Variants in GNA11 observed in about 807,000 individuals in gnomAD.
The protein encoded by GNA11 is G protein subunit alpha 11, also known as guanine nucleotide-binding protein subunit alpha-11.
A neutral mutation model predicts 38.2 loss-of-function variants in GNA11; 8 were observed. The observed-to-expected ratio is 0.21, with a 90% CI of 0.12 to 0.38. GNA11 has a LOEUF of 0.38. Ranked by LOEUF, GNA11 falls within the 10% of genes least tolerant of loss-of-function variation. The pLI is 1.00. For missense variants in GNA11, 268 were observed against 516.3 expected (o/e 0.52, Z 4.66); for synonymous variants, 211 against 221.4 (o/e 0.95, Z 0.42).
intron 1 of GNA11, among the ~76,000 whole-genome samples, chr19:3,107,661 C>G (rs1913671449): frequency 6.6e-6 from 1 of 152,144 alleles, no homozygotes; most frequent in Non-Finnish European, 1.5e-5. Flanking sequence ...TGGGGGCAGT[C>G]TTGACCCATG....
chr19:3,097,894 C>T (rs529209747), intron 1 of GNA11, among the ~76,000 whole-genome samples: 2 of 152,350 alleles, frequency 1.3e-5, no homozygotes. Context: ...CCACTCCATG[C>T]CAGGAGCTCC....
intron 4 of GNA11, chr19:3,118,185 GC>G (rs769042377): frequency 6.6e-6 from 1 of 152,228 alleles, no homozygotes; most frequent in Non-Finnish European, 1.5e-5. Context: ...TGGGGCCAGG[GC>G]CTGAGGGGCA....
intron 3 of GNA11, among the ~76,000 whole-genome samples, chr19:3,114,003 G>A (rs909529608): frequency 9.2e-5 from 14 of 152,148 alleles, no homozygotes; most frequent in Admixed American, 3.9e-4. Flanking sequence ...GGCCATGGCC[G>A]CAGGTGGAGG....
chr19:3,115,119 AT>A, intron 4 of GNA11, 47 bp downstream of exon 4: 2 of 1,592,246 alleles, frequency 1.3e-6, no homozygotes, highest in Non-Finnish European at 1.7e-6. Flanking sequence ...TGAGAGGCTC[AT>A]TTGCCCGGTG....
At position 3,110,878 on chromosome 19, in the gene GNA11, A is replaced by G. The variant is rs1913759637; in HGVS notation, c.321+545A>G. The stretch of plus-strand genomic sequence containing the variant: ...CAGTGGAATGGTCAAGGCTCATCAC[A>G]GCCTGGACCTTCTGGGCTCAGGTGA... On this transcript the variant is annotated intron_variant, in intron 2 of 6. Transcript: ENST00000078429. The surrounding 1 kb of genome is among the most constrained non-coding windows in gnomAD (Gnocchi z 5.4). 6.6e-6 allele frequency among the ~76,000 whole-genome samples: 1 copy of G among 152,142 alleles called. No homozygotes were observed.
In GNA11 at chr19:3,120,839, C is replaced by G; in HGVS notation, c.890-150C>G. 1.7e-6 allele frequency: 1 copy of G among 600,838 alleles called. No homozygotes were observed. Among genetic ancestry groups the G allele is most frequent in the South Asian group, 2.0e-5 (1 of 50,438 alleles). 37.2% of individuals were successfully genotyped at this position (600,838 alleles called of 1,614,324 possible). Reference sequence around the variant, plus strand: ...CAGCTCACCTGGGGAGGGAGGGGAGCTGCGGCCCGTCAGGCATGCAGTGGG... The same window carrying G: ...CAGCTCACCTGGGGAGGGAGGGGAGGTGCGGCCCGTCAGGCATGCAGTGGG... On this transcript the variant is annotated intron_variant, in intron 6 of 6. Coordinates refer to ENST00000078429, the MANE Select transcript of GNA11 (RefSeq NM_002067.5). The surrounding 1 kb of genome is among the most constrained non-coding windows in gnomAD (Gnocchi z 5.9).
chr19:3,108,296 T>C lies in GNA11; in HGVS notation c.137-1853T>C, dbSNP rs1327301481. Among the ~76,000 whole-genome samples the C allele has an allele frequency of 2.0e-5, 3 of 152,100 alleles. No individual in the cohort carries two copies. Among genetic ancestry groups the C allele is most frequent in the African/African-American group, 7.2e-5 (3 of 41,412 alleles). Reference sequence around the variant, plus strand: ...GGCACCTGTGCAAAGATATCTACCATGGGCAGCAAGGAAGGTTCCAGAAAG... The same window carrying C: ...GGCACCTGTGCAAAGATATCTACCACGGGCAGCAAGGAAGGTTCCAGAAAG... On this transcript the variant is annotated intron_variant, in intron 1 of 6. Coordinates refer to ENST00000078429, the MANE Select transcript of GNA11 (RefSeq NM_002067.5). This position sits in a 1 kb window ranked among gnomAD's most constrained non-coding sequence, Gnocchi z 4.5.
rs1301540859 is a variant in GNA11 at position 3,119,253 on chromosome 19, C to T, written c.783C>T (p.Tyr261=). Residue 261 remains tyrosine, a synonymous_variant, in exon 6 of 7, where the codon TAC becomes TAT. Transcript: ENST00000078429. This position sits in a 1 kb window ranked among gnomAD's most constrained non-coding sequence, Gnocchi z 4.6. ...CCCTGTTCCGGACCATCATCACCTA[C>T]CCCTGGTTCCAGAACTCCTCCGTCA... The part of the protein sequence containing the change: ...SKALFRTIIT[Y]PWFQNSSVIL... 1 of 1,613,770 alleles carries T rather than the reference C, an allele frequency of 6.2e-7. No individual in the cohort carries two copies. The highest frequency in any genetic ancestry group is 1.6e-4 in the Middle Eastern group (1 of 6,062).
Position 3,119,177 on chromosome 19 carries a change from C to CT in GNA11, c.736-28dup. On this transcript the variant is annotated intron_variant, in intron 5 of 6. Coordinates refer to ENST00000078429, the MANE Select transcript of GNA11 (RefSeq NM_002067.5). This position sits in a 1 kb window ranked among gnomAD's most constrained non-coding sequence, Gnocchi z 4.6. ...GCTGTGTGCAGTGGGGAGGGCCCCT[C>CT]TGATTCCCTCTGCCTTCGCTCCCGC... The CT allele has an allele frequency of 1.2e-6, 2 of 1,611,142 alleles. No homozygotes were observed. Among genetic ancestry groups the CT allele is most frequent in the South Asian group, 2.2e-5 (2 of 90,682 alleles).
At chr19:3,106,669 T>C (rs1207933955) in intron 1 of GNA11, among the ~76,000 whole-genome samples, 1 of 152,226 alleles carries the variant, frequency 6.6e-6, no homozygotes, top group Non-Finnish European at 1.5e-5. Context: ...CACCCAGCTG[T>C]GTACGGGCTG....
rs115640077 is a variant in GNA11 at position 3,114,703 on chromosome 19, C to T, written c.477-241C>T. On this transcript the variant is annotated intron_variant, in intron 3 of 6. Coordinates refer to ENST00000078429, the MANE Select transcript of GNA11 (RefSeq NM_002067.5). Reference sequence around the variant, plus strand: ...CCTCGTCCTGGGACTTTCTCTTGTGCTGGGTCATTTCTGTCCCCTGAGACC... The same window carrying T: ...CCTCGTCCTGGGACTTTCTCTTGTGTTGGGTCATTTCTGTCCCCTGAGACC... Among the ~76,000 whole-genome samples, 5,742 of 152,272 alleles carry T rather than the reference C, an allele frequency of 0.038. 352 individuals are homozygous for T. Among genetic ancestry groups the T allele is most frequent in the African/African-American group, 0.13 (5,432 of 41,534 alleles).
chr19:3,103,519 C>CTTATTTTTTTTT (rs1913556209), intron 1 of GNA11, among the ~76,000 whole-genome samples: 1 of 45,800 alleles, frequency 2.2e-5, no homozygotes, highest in Non-Finnish European at 4.0e-5. Context: ...GGCCTTGAAT[C>CTTATTTTTTTTT]TTTTTTTTTT....
In GNA11 at chr19:3,119,045, G is replaced by C. The variant is rs1295243293; in HGVS notation, c.727G>C (p.Asp243His). The stretch of plus-strand genomic sequence containing the variant: ...ATACGACCAAGTCCTGGTGGAGTCG[G>C]ACAACGAGGTGGGCCCTGCCCTGAG... ...SEYDQVLVES[D>H]NENRMEESKA... The change falls in exon 5 of 7, where the codon GAC becomes CAC. Residue 243 changes from aspartate (D) to histidine (H), a missense_variant. Physicochemically the swap from Asp to His is moderately conservative, Grantham distance 81. Coordinates refer to ENST00000078429, the MANE Select transcript of GNA11 (RefSeq NM_002067.5). This position sits in a 1 kb window ranked among gnomAD's most constrained non-coding sequence, Gnocchi z 4.6. 1 of 1,613,682 alleles carries C rather than the reference G, an allele frequency of 6.2e-7. No individual in the cohort carries two copies. The highest frequency in any genetic ancestry group is 8.5e-7 in the Non-Finnish European group (1 of 1,179,954).
At position 3,096,026 on chromosome 19, in the gene GNA11, G is replaced by A. The variant is rs1599294040; in HGVS notation, c.136+1239G>A. The stretch of plus-strand genomic sequence containing the variant: ...TCCTAGGTTAGCTCCTGGGCCGGGG[G>A]CGGGGCGGTGGGGAAGGTCGGAAAT... On this transcript the variant is annotated intron_variant, in intron 1 of 6. Transcript: ENST00000078429. 3.3e-5 allele frequency among the ~76,000 whole-genome samples: 5 copies of A among 152,320 alleles called. 1 individual carries two copies. The highest frequency in any genetic ancestry group is 3.3e-4 in the Admixed American group (5 of 15,310).
At chr19:3,102,409 C>T (rs1244473152) in intron 1 of GNA11, among the ~76,000 whole-genome samples, 1 of 152,238 alleles carries the variant, frequency 6.6e-6, no homozygotes, top group Non-Finnish European at 1.5e-5. Flanking sequence ...TTCGGGGCAG[C>T]TCTTTCTTGA....
In GNA11 at chr19:3,110,600, G is replaced by A. The variant is rs931225711; in HGVS notation, c.321+267G>A. Among the ~76,000 whole-genome samples the A allele has an allele frequency of 2.6e-5, 4 of 152,134 alleles. No individual in the cohort carries two copies. Among genetic ancestry groups the A allele is most frequent in the African/African-American group, 9.7e-5 (4 of 41,436 alleles). ...CTGTGGGCGCCCACATCCTGTGGGT[G>A]GGGAAGCTGAGGCCCTGGGGAAGCT... On this transcript the variant is annotated intron_variant, in intron 2 of 6. Coordinates refer to ENST00000078429, the MANE Select transcript of GNA11 (RefSeq NM_002067.5). This position sits in a 1 kb window ranked among gnomAD's most constrained non-coding sequence, Gnocchi z 5.4.
Position 3,120,869 on chromosome 19 carries a change from G to A in GNA11, c.890-120G>A. On this transcript the variant is annotated intron_variant, in intron 6 of 6. Coordinates refer to ENST00000078429, the MANE Select transcript of GNA11 (RefSeq NM_002067.5). The surrounding 1 kb of genome is among the most constrained non-coding windows in gnomAD (Gnocchi z 5.9). ...GCCCGTCAGGCATGCAGTGGGCTGG[G>A]GGTCGAGCTGGGTGGGCCGTGGGCC... 1 of 670,406 alleles carries A rather than the reference G, an allele frequency of 1.5e-6. No homozygotes were observed. Among genetic ancestry groups the A allele is most frequent in the Non-Finnish European group, 2.5e-6 (1 of 394,248 alleles). The allele number at this position is 670,406 out of a possible 1,614,324, so 41.5% of individuals were successfully genotyped here.
chr19:3,112,136 G>GCTGGGTGTGCT (rs1486916665), intron 2 of GNA11, among the ~76,000 whole-genome samples: 2 of 152,262 alleles, frequency 1.3e-5, no homozygotes, highest in Non-Finnish European at 2.9e-5. Flanking sequence ...GGTCGGGAAG[G>GCTGGGTGTGCT]CTGGGTGTGC....
intron 1 of GNA11, among the ~76,000 whole-genome samples, chr19:3,096,169 G>T (rs946211197): frequency 6.6e-6 from 1 of 152,092 alleles, no homozygotes; most frequent in Admixed American, 6.5e-5. Flanking sequence ...AGCCTCTTAG[G>T]GCCCTCCGTG....
Sources: gnomAD v4.1 joint callset for allele counts (sites outside exome capture counted in the v4.1 genomes callset) on GRCh38, gnomAD v4.1.1 for gene constraint, Gnocchi (gnomAD v3.1) non-coding constraint, MANE v1.5 for transcripts, NCBI Gene and HGNC (gene_info 2026-07-23, HGNC 2026-07-21) for gene names.